The following JAKMIP1 variants were observed in gnomAD, a reference collection of about 807,000 sequenced individuals.
The protein encoded by JAKMIP1 is janus kinase and microtubule interacting protein 1.
JAKMIP1 carries 33 observed loss-of-function variants against 113.0 expected under a neutral mutation model. The ratio of observed to expected loss-of-function variants is 0.29; its 90% CI spans 0.22 to 0.39. The LOEUF is 0.39. Among genes scored for constraint, JAKMIP1 ranks in the 10% least tolerant of loss-of-function variants. The pLI, the probability that JAKMIP1 is intolerant of heterozygous loss-of-function variation, is 1.00. For missense variants in JAKMIP1, 813 were observed against 1,080.5 expected (o/e 0.75, Z 3.47); for synonymous variants, 480 against 459.9 (o/e 1.04, Z -0.56).
chr4:6,144,257 C>T (rs921285782), intron 1 of JAKMIP1, among the ~76,000 whole-genome samples: 1 of 152,194 alleles, frequency 6.6e-6, no homozygotes, highest in Admixed American at 6.5e-5. Flanking sequence ...TACTTAACAC[C>T]TAGATACGTA....
intron 1 of JAKMIP1, among the ~76,000 whole-genome samples, chr4:6,147,488 C>T (rs1720999438): frequency 6.6e-6 from 1 of 152,244 alleles, no homozygotes; most frequent in Non-Finnish European, 1.5e-5. Context: ...GTCTGTCTCC[C>T]AGGCTCTGCT....
At chr4:6,148,472 A>G (rs1025884225) in intron 1 of JAKMIP1, among the ~76,000 whole-genome samples, 1 of 152,258 alleles carries the variant, frequency 6.6e-6, no homozygotes, top group African/African-American at 2.4e-5. Flanking sequence ...CGAGATACAC[A>G]GGACACCACT....
Position 6,085,490 on chromosome 4 carries a change from C to A in JAKMIP1, c.764G>T (p.Arg255Leu), listed in dbSNP as rs756089004. The A allele has an allele frequency of 6.2e-7, 1 of 1,614,026 alleles. No homozygotes were observed. The highest frequency in any genetic ancestry group is 8.5e-7 in the Non-Finnish European group (1 of 1,180,052). ...CTCTCTCTTTGGACTACTGTGGTGC[C>A]GCTCGGCCTCCTTGACCTGAACCAG... ...EQLVQVKEAE[R>L]HHSSPKRELP... The change falls in exon 4 of 21, where the codon CGG (arginine) becomes CTG (leucine). Residue 255 changes from arginine (R) to leucine (L), a missense_variant. Arg to Leu is a moderately radical substitution (Grantham distance 102). Around this residue, in one of 2 missense-constraint regions of JAKMIP1, gnomAD observed 540 missense variants for 653.9 expected, o/e 0.83. Coordinates refer to ENST00000409021, the MANE Select transcript of JAKMIP1 (RefSeq NM_001099433.2).
rs916780891 is a variant in JAKMIP1, at chr4:6,060,488, G to A, written c.1580C>T (p.Ala527Val). 6.2e-6 allele frequency: 10 copies of A among 1,613,828 alleles called. No individual in the cohort carries two copies. Among genetic ancestry groups the A allele is most frequent in the Non-Finnish European group, 8.5e-6 (10 of 1,179,862 alleles). The part of the protein sequence containing the change: ...REARTREQLQ[A>V]DLLRCQAKIE... ...TTTGGCCTGACACCTCAGCAGATCA[G>A]CTTGTAGCTGCTCCCGAGTCTGGAA... is the stretch of plus-strand genomic sequence containing the variant. The change falls in exon 11 of 21, where the codon GCT becomes GTT. Residue 527 changes from alanine (A) to valine (V), a missense_variant. Transcript: ENST00000409021.
chr4:6,179,227 C>T lies in JAKMIP1; in HGVS notation c.-148+21026G>A, dbSNP rs1472626139. On this transcript the variant is annotated intron_variant, in intron 1 of 20. Coordinates refer to ENST00000409021, the MANE Select transcript of JAKMIP1 (RefSeq NM_001099433.2). This position sits in a 1 kb window ranked among gnomAD's most constrained non-coding sequence, Gnocchi z 4.5. ...ATGTGGCTGGAGAGAGGGTGAGATT[C>T]TCATCTCAAAGCCCCAGATTCACTA... Among the ~76,000 whole-genome samples, 1 of 152,170 alleles carries T rather than the reference C, an allele frequency of 6.6e-6. No individual in the cohort carries two copies. Among genetic ancestry groups the T allele is most frequent in the Non-Finnish European group, 1.5e-5 (1 of 68,036 alleles).
rs968823753 is a variant in JAKMIP1 at position 6,138,040 on chromosome 4, G to A, written c.-147-25043C>T. 5.5e-4 allele frequency among the ~76,000 whole-genome samples: 84 copies of A among 152,230 alleles called. No individual in the cohort carries two copies. The highest frequency in any genetic ancestry group is 1.8e-3 in the African/African-American group (73 of 41,542). On this transcript the variant is annotated intron_variant, in intron 1 of 20. Transcript: ENST00000409021. The surrounding 1 kb of genome is among the most constrained non-coding windows in gnomAD (Gnocchi z 6.0). ...AGAGGTGGCAGAGGTGGCAGCTCCC[G>A]AGAGGCCAGCTCTGGGGTGACACTC...
rs1223938499 is a variant in JAKMIP1, at chr4:6,067,951, CTGTT to C, written c.1303-2947_1303-2944del. On this transcript the variant is annotated intron_variant, in intron 8 of 20. Coordinates refer to ENST00000409021, the MANE Select transcript of JAKMIP1 (RefSeq NM_001099433.2). The surrounding 1 kb of genome is among the most constrained non-coding windows in gnomAD (Gnocchi z 4.6). Reference sequence around the variant, plus strand: ...AACTGCAAGGCCTTTGGGGACGAGTCTGTTTGTTGCTGTAGCCCAGGAAGCATCA... The same window carrying C: ...AACTGCAAGGCCTTTGGGGACGAGTCTGTTGCTGTAGCCCAGGAAGCATCA... Among the ~76,000 whole-genome samples the C allele has an allele frequency of 2.1e-4, 32 of 152,268 alleles. No homozygotes were observed. The highest frequency in any genetic ancestry group is 1.9e-4 in the East Asian group (1 of 5,190).
intron 12 of JAKMIP1, chr4:6,054,764 G>A: frequency 2.2e-6 from 1 of 456,738 alleles, no homozygotes; most frequent in South Asian, 1.5e-5. Flanking sequence ...TCCAAGAAGG[G>A]AAACAGCAGC....
Position 6,084,985 on chromosome 4 carries a change from A to AG in JAKMIP1, c.835-21_835-20insC. ...TTGATCCTAAAAAAAAAAAAAAAAA[A>AG]AAAAAAAAAGTCAAGACGTAAATGT... On this transcript the variant is annotated intron_variant, in intron 4 of 20. Coordinates refer to ENST00000409021, the MANE Select transcript of JAKMIP1 (RefSeq NM_001099433.2). The AG allele has an allele frequency of 6.5e-7, 1 of 1,550,328 alleles. No individual in the cohort carries two copies. Among genetic ancestry groups the AG allele is most frequent in the Non-Finnish European group, 8.6e-7 (1 of 1,156,828 alleles).
chr4:6,119,959 G>C (rs1045738051), intron 1 of JAKMIP1, among the ~76,000 whole-genome samples: 22 of 152,324 alleles, frequency 1.4e-4, no homozygotes, highest in Admixed American at 1.4e-3. Context: ...GGCACAAAAA[G>C]AAAAGTAGCT....
chr4:6,083,285 C>T (rs1355200462), intron 5 of JAKMIP1, among the ~76,000 whole-genome samples: 1 of 151,788 alleles, frequency 6.6e-6, no homozygotes, highest in African/African-American at 2.4e-5. Context: ...TGCCTGTAAT[C>T]CTAGCTACTT....
Position 6,193,023 on chromosome 4 carries a change from C to T in JAKMIP1, c.-148+7230G>A, listed in dbSNP as rs1727450755. ...GGACTGGGAGAGGCAGACCCACCCT[C>T]AGTGTGGGTGGGCACCATCTAATCG... On this transcript the variant is annotated intron_variant, in intron 1 of 20. Transcript: ENST00000409021. This position sits in a 1 kb window ranked among gnomAD's most constrained non-coding sequence, Gnocchi z 6.4. 6.6e-6 allele frequency among the ~76,000 whole-genome samples: 1 copy of T among 152,186 alleles called. No homozygotes were observed. Among genetic ancestry groups the T allele is most frequent in the Non-Finnish European group, 1.5e-5 (1 of 68,024 alleles).
At chr4:6,112,625 CTCCTGGAACAGG>C in intron 2 of JAKMIP1, 85 bp downstream of exon 2, 1 of 1,464,016 alleles carries the variant, frequency 6.8e-7, no homozygotes, top group Non-Finnish European at 9.3e-7. Flanking sequence ...CTCGGCCCCC[CTCCTGGAACAGG>C]CTCTTCACAC....
chr4:6,046,875 C>G (rs2108763167), intron 16 of JAKMIP1, among the ~76,000 whole-genome samples: 1 of 152,288 alleles, frequency 6.6e-6, no homozygotes, highest in Middle Eastern at 3.4e-3. Context: ...CTGAAAGCCT[C>G]CTGCCAGCTG....
At position 6,185,604 on chromosome 4, in the gene JAKMIP1, C is replaced by T. The variant is rs574256463; in HGVS notation, c.-148+14649G>A. Reference sequence around the variant, plus strand: ...CGGAGCTTGCAGTGAGCTGAGATCACGCCACTGCACTCCAGCCTGAGCGAC... The same window carrying T: ...CGGAGCTTGCAGTGAGCTGAGATCATGCCACTGCACTCCAGCCTGAGCGAC... On this transcript the variant is annotated intron_variant, in intron 1 of 20. Coordinates refer to ENST00000409021, the MANE Select transcript of JAKMIP1 (RefSeq NM_001099433.2). The surrounding 1 kb of genome is among the most constrained non-coding windows in gnomAD (Gnocchi z 5.3). 3.3e-5 allele frequency among the ~76,000 whole-genome samples: 5 copies of T among 152,214 alleles called. No homozygotes were observed. The highest frequency in any genetic ancestry group is 1.9e-4 in the East Asian group (1 of 5,170).
intron 3 of JAKMIP1, among the ~76,000 whole-genome samples, chr4:6,096,069 G>A (rs1448129653): frequency 1.3e-5 from 2 of 152,200 alleles, no homozygotes; most frequent in African/African-American, 2.4e-5. Flanking sequence ...AGAACCAGCG[G>A]TGCAAAGATC....
chr4:6,149,739 C>A (rs560653369), intron 1 of JAKMIP1, among the ~76,000 whole-genome samples: 1 of 152,200 alleles, frequency 6.6e-6, no homozygotes, highest in South Asian at 2.1e-4. Context: ...ACCTCTTGAC[C>A]CCCCACCAGC....
intron 1 of JAKMIP1, among the ~76,000 whole-genome samples, chr4:6,195,115 G>A (rs1727708367): frequency 6.6e-6 from 1 of 152,240 alleles, no homozygotes; most frequent in Admixed American, 6.5e-5. Context: ...GAGTTGCAGA[G>A]GGTTCAGGGG....
At position 6,180,907 on chromosome 4, in the gene JAKMIP1, C is replaced by T. The variant is rs1353655829; in HGVS notation, c.-148+19346G>A. Among the ~76,000 whole-genome samples, 2 of 152,104 alleles carry T rather than the reference C, an allele frequency of 1.3e-5. No homozygotes were observed. The highest frequency in any genetic ancestry group is 4.8e-5 in the African/African-American group (2 of 41,406). ...GCTACTTGCTGGCTCTTGGCCAACT[C>T]ATTGCATCATTTTGGAATCTCCCCT... On this transcript the variant is annotated intron_variant, in intron 1 of 20. Coordinates refer to ENST00000409021, the MANE Select transcript of JAKMIP1 (RefSeq NM_001099433.2). This position sits in a 1 kb window ranked among gnomAD's most constrained non-coding sequence, Gnocchi z 4.5.
Sources: gnomAD v4.1 joint callset for allele counts (sites outside exome capture counted in the v4.1 genomes callset) on GRCh38, gnomAD v4.1.1 for gene constraint, gnomAD v4.1.1 regional missense constraint, Gnocchi (gnomAD v3.1) non-coding constraint, MANE v1.5 for transcripts, NCBI Gene and HGNC (gene_info 2026-07-23, HGNC 2026-07-21) for gene names.